Variants in PPM1B observed in about 807,000 individuals in gnomAD.
PPM1B encodes the protein protein phosphatase, Mg2+/Mn2+ dependent 1B, also known as protein phosphatase 1B.
A neutral mutation model predicts 43.0 loss-of-function variants in PPM1B; 22 were observed. The observed-to-expected ratio is 0.51, with a 90% CI of 0.37 to 0.73. PPM1B has a LOEUF of 0.73. Among genes scored for constraint, PPM1B ranks in the 30% least tolerant of loss-of-function variants. The pLI is 0.00. For missense variants in PPM1B, 632 were observed against 584.2 expected (o/e 1.08, Z -0.84); for synonymous variants, 217 against 197.9 (o/e 1.10, Z -0.81).
chr2:44,230,930 A>G lies in PPM1B; in HGVS notation c.*212A>G. ...ATAGTACTATGGATTTAATGAAATT[A>G]TATGTCATTTCACATTGTATGCCAG... On this transcript the variant is annotated 3_prime_UTR_variant, in exon 6 of 6. Transcript: ENST00000282412. 1 of 1,177,288 alleles carries G rather than the reference A, an allele frequency of 8.5e-7. No homozygotes were observed. The highest frequency in any genetic ancestry group is 1.1e-6 in the Non-Finnish European group (1 of 937,186). The allele number at this position is 1,177,288 out of a possible 1,614,324, so 72.9% of individuals were successfully genotyped here.
intron 5 of PPM1B, chr2:44,230,211 A>T: frequency 7.1e-7 from 1 of 1,414,982 alleles, no homozygotes; most frequent in South Asian, 1.6e-5. Flanking sequence ...GTTAATGGTA[A>T]TTTGCTTAAA....
chr2:44,193,387 C>A (rs896429335), intron 1 of PPM1B, among the ~76,000 whole-genome samples: 1 of 151,040 alleles, frequency 6.6e-6, no homozygotes, highest in Admixed American at 6.6e-5. Context: ...TTTCTTTCCT[C>A]TGAATTTTTT....
At chr2:44,234,348 G>A (rs569686182), downstream of PPM1B, 217 of 566,524 alleles carry the variant, frequency 3.8e-4, no homozygotes, top group Non-Finnish European at 4.6e-4. Flanking sequence ...GTGAAACCCT[G>A]CCTCTACTAA....
chr2:44,170,832 C>T (rs1667302865), intron 1 of PPM1B, among the ~76,000 whole-genome samples: 1 of 152,206 alleles, frequency 6.6e-6, no homozygotes, highest in Non-Finnish European at 1.5e-5. Flanking sequence ...GCCAAATGGA[C>T]AGTGTGTTGT....
At chr2:44,172,300 T>C (rs1667384058) in intron 1 of PPM1B, among the ~76,000 whole-genome samples, 1 of 152,234 alleles carries the variant, frequency 6.6e-6, no homozygotes. Flanking sequence ...GTAAAATGTA[T>C]CGTATATTAG....
intron 1 of PPM1B, among the ~76,000 whole-genome samples, chr2:44,177,640 G>T (rs994270076): frequency 6.6e-6 from 1 of 150,908 alleles, no homozygotes; most frequent in Admixed American, 6.6e-5. Context: ...GGCTGGTCTC[G>T]AACTCCTGAC....
At chr2:44,244,397 C>G (rs753592754), downstream of PPM1B, 1 of 1,321,268 alleles carries the variant, frequency 7.6e-7, no homozygotes, top group Non-Finnish European at 1.0e-6. Flanking sequence ...ATTTGTACTG[C>G]TGTTAACCTT....
chr2:44,178,862 G>C (rs182572531), intron 1 of PPM1B, among the ~76,000 whole-genome samples: 104 of 152,222 alleles, frequency 6.8e-4, no homozygotes, highest in Non-Finnish European at 1.0e-3. Flanking sequence ...AAAGACATAG[G>C]CAAAGTTAAT....
intron 1 of PPM1B, among the ~76,000 whole-genome samples, chr2:44,189,854 C>A (rs1269304456): frequency 6.6e-6 from 1 of 152,160 alleles, no homozygotes; most frequent in Non-Finnish European, 1.5e-5. Context: ...ACCTCTTGCC[C>A]CCATTTCCTG....
At chr2:44,236,832 C>G (rs1670636847), downstream of PPM1B, among the ~76,000 whole-genome samples, 1 of 152,084 alleles carries the variant, frequency 6.6e-6, no homozygotes, top group African/African-American at 2.4e-5. Flanking sequence ...TCCAAATTGC[C>G]TTCATTTGTG....
intron 1 of PPM1B, among the ~76,000 whole-genome samples, chr2:44,189,170 C>G (rs1352215240): frequency 2.0e-5 from 3 of 152,146 alleles, no homozygotes; most frequent in African/African-American, 4.8e-5. Flanking sequence ...CCATGCCCAG[C>G]CAGCTGCCTT....
At chr2:44,191,757 C>T (rs1259282016) in intron 1 of PPM1B, among the ~76,000 whole-genome samples, 1 of 152,106 alleles carries the variant, frequency 6.6e-6, no homozygotes, top group African/African-American at 2.4e-5. Context: ...TTTTATTCTA[C>T]CAAATATCAC....
chr2:44,240,523 C>T lies in PPM1B; in HGVS notation n.1547-3705C>T, dbSNP rs1226585838. On this transcript the variant is annotated intron_variant and non_coding_transcript_variant, in intron 5 of 5. Transcript: ENST00000378540. ...TTATTTAAAATGTTTATATTATGTT[C>T]GTCATTTTGCATTAGTTTTGACTTT... Among the ~76,000 whole-genome samples, 3 of 144,322 alleles carry T rather than the reference C, an allele frequency of 2.1e-5. 1 individual carries two copies. The highest frequency in any genetic ancestry group is 4.6e-5 in the Non-Finnish European group (3 of 64,948). The allele number at this position is 144,322 out of a possible 152,430, so 94.7% of individuals were successfully genotyped here.
intron 3 of PPM1B, among the ~76,000 whole-genome samples, chr2:44,213,390 G>T: frequency 6.7e-6 from 1 of 149,172 alleles, no homozygotes; most frequent in Non-Finnish European, 1.5e-5. Flanking sequence ...AACTTACGAT[G>T]ATGGTATAAT....
At chr2:44,238,351 T>C (rs1670674050), downstream of PPM1B, among the ~76,000 whole-genome samples, 1 of 152,246 alleles carries the variant, frequency 6.6e-6, no homozygotes, top group African/African-American at 2.4e-5. Flanking sequence ...AAAATTGTAA[T>C]TAAGACTGCT....
intron 2 of PPM1B, among the ~76,000 whole-genome samples, chr2:44,203,577 A>G (rs1051632001): frequency 6.6e-6 from 1 of 152,122 alleles, no homozygotes; most frequent in Non-Finnish European, 1.5e-5. Flanking sequence ...AGCTACTTTC[A>G]TTGTTGTGGT....
At chr2:44,196,371 T>C (rs1312412964) in intron 1 of PPM1B, among the ~76,000 whole-genome samples, 1 of 152,154 alleles carries the variant, frequency 6.6e-6, no homozygotes, top group Non-Finnish European at 1.5e-5. Flanking sequence ...ACTGGGGTTA[T>C]TATGGATTTT....
intron 3 of PPM1B, among the ~76,000 whole-genome samples, chr2:44,209,842 CATCT>C (rs1278371955): frequency 6.6e-6 from 1 of 151,516 alleles, no homozygotes; most frequent in Non-Finnish European, 1.5e-5. Context: ...TGAAAAAACA[CATCT>C]ATCTGTCTAA....
chr2:44,226,778 G>A lies in PPM1B; in HGVS notation c.1135-3635G>A, dbSNP rs116649224. On this transcript the variant is annotated intron_variant, in intron 5 of 5. Transcript: ENST00000282412. ...TTTTTTTGGTTTGGGGGTTTTCGGGGGAAGAGGGTTGTAGGCCCTGCATTA... is the reference window on the plus strand; with the variant it reads ...TTTTTTTGGTTTGGGGGTTTTCGGGAGAAGAGGGTTGTAGGCCCTGCATTA... Among the ~76,000 whole-genome samples, 1,166 of 142,746 alleles carry A rather than the reference G, an allele frequency of 8.2e-3. 11 individuals are homozygous for A. Among genetic ancestry groups the A allele is most frequent in the Non-Finnish European group, 0.013 (885 of 66,124 alleles). 93.6% of individuals were successfully genotyped at this position (142,746 alleles called of 152,430 possible). A position where few individuals can be genotyped will look rare whatever the true frequency, so the allele number is the denominator to read the frequency against.
Sources: gnomAD v4.1 joint callset for allele counts (sites outside exome capture counted in the v4.1 genomes callset) on GRCh38, gnomAD v4.1.1 for gene constraint, MANE v1.5 for transcripts, NCBI Gene and HGNC (gene_info 2026-07-23, HGNC 2026-07-21) for gene names.